Variants in ADAMTSL1 observed in about 807,000 individuals in gnomAD.
ADAMTSL1 encodes the protein ADAMTS-like protein 1.
ADAMTSL1 carries 126 observed loss-of-function variants against 201.8 expected under a neutral mutation model. The observed-to-expected ratio is 0.62, with a 90% confidence interval of 0.54 to 0.72. ADAMTSL1 has a LOEUF of 0.72. ADAMTSL1 is among the 30% of genes least tolerant of loss of function. The pLI is 0.00. For missense variants in ADAMTSL1, 2,679 were observed against 2,277.8 expected, an observed-to-expected ratio of 1.18 and a Z score of -3.59; for synonymous variants, 1,121 against 903.4, an observed-to-expected ratio of 1.24 and a Z score of -4.32.
chr9:18,301,185 TGA>T (rs1423201138), intron 2 of ADAMTSL1, among the ~76,000 whole-genome samples: 1 of 152,194 alleles, frequency 6.6e-6, no homozygotes, highest in Non-Finnish European at 1.5e-5. Context: ...AAAAAAAGTA[TGA>T]CACACATTCA....
chr9:18,207,088 C>T (rs1006069620), intron 2 of ADAMTSL1, among the ~76,000 whole-genome samples: 3 of 151,920 alleles, frequency 2.0e-5, no homozygotes, highest in Non-Finnish European at 4.4e-5. Context: ...TCGCTGGAAC[C>T]TGGGAGGCAG....
chr9:18,877,919 G>T (rs1828273217), intron 23 of ADAMTSL1, among the ~76,000 whole-genome samples: 1 of 152,194 alleles, frequency 6.6e-6, no homozygotes, highest in South Asian at 2.1e-4. Context: ...GCGTGTCTGA[G>T]CTCAGACTCT....
At chr9:18,147,553 C>T (rs1234746278) in intron 1 of ADAMTSL1, among the ~76,000 whole-genome samples, 1 of 152,104 alleles carries the variant, frequency 6.6e-6, no homozygotes, top group African/African-American at 2.4e-5. Context: ...GCTCTTTACA[C>T]TGGTAAGGCT....
chr9:18,620,691 T>G (rs904592516), intron 4 of ADAMTSL1, among the ~76,000 whole-genome samples: 1 of 152,296 alleles, frequency 6.6e-6, no homozygotes, highest in Admixed American at 6.5e-5. Context: ...AGCCTCTGAA[T>G]AGATTGAGGC....
upstream of ADAMTSL1, among the ~76,000 whole-genome samples, chr9:18,473,665 GT>G (rs1483091425): frequency 1.3e-5 from 2 of 152,136 alleles, no homozygotes; most frequent in Non-Finnish European, 2.9e-5. Context: ...CATTAAGTCG[GT>G]TTTTGTCTAT....
intron 20 of ADAMTSL1, among the ~76,000 whole-genome samples, chr9:18,816,196 G>C (rs763727933): frequency 1.3e-5 from 2 of 152,102 alleles, no homozygotes; most frequent in Non-Finnish European, 2.9e-5. Flanking sequence ...ACTTCTATAA[G>C]ATCAACTTCT....
At chr9:18,885,556 G>A (rs921363609) in intron 23 of ADAMTSL1, among the ~76,000 whole-genome samples, 7 of 152,116 alleles carry the variant, frequency 4.6e-5, no homozygotes, top group East Asian at 1.9e-4. Context: ...AAGTATAACC[G>A]CTTTCTCATG....
chr9:18,241,947 T>C (rs1009603944), intron 2 of ADAMTSL1, among the ~76,000 whole-genome samples: 10 of 152,024 alleles, frequency 6.6e-5, no homozygotes, highest in African/African-American at 2.2e-4. Context: ...TAAGAAAAAT[T>C]AATACCAATA....
chr9:18,123,479 G>A (rs888015856), intron 1 of ADAMTSL1, among the ~76,000 whole-genome samples: 2 of 152,126 alleles, frequency 1.3e-5, no homozygotes, highest in African/African-American at 2.4e-5. Context: ...TTAAAAATTG[G>A]AAGTAGTCTA....
At chr9:18,886,282 G>T (rs1828891279) in intron 23 of ADAMTSL1, among the ~76,000 whole-genome samples, 1 of 148,228 alleles carries the variant, frequency 6.7e-6, no homozygotes, top group Non-Finnish European at 1.5e-5. Context: ...TCTGGACATG[G>T]TGGTGCACAC....
At position 18,504,841 on chromosome 9, in the gene ADAMTSL1, G is replaced by A. The variant is rs866189730; in HGVS notation, c.76G>A (p.Ala26Thr). ...TTGTTTCTCACAGAGTTCCAGGACC[G>A]CACGCTCCGAGGAGGACCGGGACGG... ...LAFLLLSSRT[A>T]RSEEDRDGLW... Residue 26 changes from alanine to threonine, a missense_variant, in exon 2 of 29, where the codon GCA becomes ACA. By Grantham distance (58) the Ala-to-Thr change is moderately conservative (BLOSUM62 0). Transcript: ENST00000380548. 1.9e-6 allele frequency: 3 copies of A among 1,614,082 alleles called. No homozygotes were observed. Among genetic ancestry groups the A allele is most frequent in the Non-Finnish European group, 2.5e-6 (3 of 1,179,988 alleles).
In ADAMTSL1 at chr9:18,056,041, G is replaced by A. The variant is rs556437461; in HGVS notation, c.88-107821G>A. 1.7e-4 allele frequency among the ~76,000 whole-genome samples: 26 copies of A among 152,212 alleles called. 2 individuals are homozygous for A. The highest frequency in any genetic ancestry group is 1.4e-3 in the Admixed American group (21 of 15,294). On this transcript the variant is annotated intron_variant, in intron 1 of 29. Transcript: ENST00000680146. ...ACCATGAGCAAAAACAGTTTCCTGGGATCTGCTGTACAGGTCATGAATCTC... is the reference window on the plus strand; with the variant it reads ...ACCATGAGCAAAAACAGTTTCCTGGAATCTGCTGTACAGGTCATGAATCTC...
chr9:18,742,832 T>C (rs1818918339), intron 15 of ADAMTSL1, among the ~76,000 whole-genome samples: 1 of 152,152 alleles, frequency 6.6e-6, no homozygotes. Context: ...CAAACTGCAA[T>C]AAAACCCAAA....
chr9:18,637,177 A>G (rs972299186), intron 6 of ADAMTSL1, among the ~76,000 whole-genome samples: 2 of 152,176 alleles, frequency 1.3e-5, no homozygotes, highest in Non-Finnish European at 1.5e-5. Flanking sequence ...GTCACCTTCT[A>G]TGGATTCAAG....
chr9:18,849,773 A>C (rs1366763654), intron 23 of ADAMTSL1, among the ~76,000 whole-genome samples: 23 of 152,262 alleles, frequency 1.5e-4, no homozygotes, highest in Admixed American at 1.5e-3. Context: ...CTTTGCCCAC[A>C]AAGAGAAAAT....
intron 1 of ADAMTSL1, among the ~76,000 whole-genome samples, chr9:18,105,506 T>C (rs755693502): frequency 1.3e-5 from 2 of 152,212 alleles, no homozygotes; most frequent in African/African-American, 2.4e-5. Flanking sequence ...CCCCTTATTT[T>C]ATAAGATACC....
intron 2 of ADAMTSL1, among the ~76,000 whole-genome samples, chr9:18,391,184 G>T (rs1838030491): frequency 6.6e-6 from 1 of 152,120 alleles, no homozygotes; most frequent in Non-Finnish European, 1.5e-5. Context: ...GGACACTTTT[G>T]ATACCTAGAC....
At chr9:18,762,981 T>A (rs1344476416) in intron 16 of ADAMTSL1, among the ~76,000 whole-genome samples, 1 of 152,204 alleles carries the variant, frequency 6.6e-6, no homozygotes, top group Non-Finnish European at 1.5e-5. Flanking sequence ...AGAGCAGATA[T>A]CTCCCTGATA....
intron 20 of ADAMTSL1, among the ~76,000 whole-genome samples, chr9:18,807,648 AAAAAAAAAAAC>A (rs1285745711): frequency 1.3e-4 from 16 of 121,814 alleles, no homozygotes; most frequent in Non-Finnish European, 2.7e-4. Context: ...TCTGTCTCAA[AAAAAAAAAAAC>A]AAAAAAAAAA....
Sources: gnomAD v4.1 joint callset for allele counts (sites outside exome capture counted in the v4.1 genomes callset) on GRCh38, gnomAD v4.1.1 for gene constraint, MANE v1.5 for transcripts, NCBI Gene and HGNC (gene_info 2026-07-23, HGNC 2026-07-21) for gene names.